ADCY5: variants seen among roughly 807,000 people sequenced by gnomAD.
The protein encoded by ADCY5 is adenylate cyclase 5.
A neutral mutation model predicts 119.7 loss-of-function variants in ADCY5; 30 were observed. The ratio of observed to expected loss-of-function variants is 0.25; its 90% CI spans 0.19 to 0.34. The LOEUF (loss-of-function observed/expected upper bound fraction) is 0.34. ADCY5 is among the 10% of genes least tolerant of loss of function. ADCY5 has a pLI of 1.00. For synonymous variants in ADCY5, 753 were observed against 762.2 expected (o/e 0.99, Z 0.20); for missense variants, 1,324 against 1,775.2 (o/e 0.75, Z 4.57).
chr3:123,408,465 G>C (rs1451021079), intron 1 of ADCY5, among the ~76,000 whole-genome samples: 1 of 149,654 alleles, frequency 6.7e-6, no homozygotes, highest in African/African-American at 2.5e-5. Context: ...AGACCAGCCA[G>C]CCCAATATGG....
chr3:123,331,827 G>A (rs1442762894), intron 4 of ADCY5, among the ~76,000 whole-genome samples: 1 of 152,214 alleles, frequency 6.6e-6, no homozygotes, highest in East Asian at 1.9e-4. Context: ...CCACAGGTAA[G>A]TATATGCGCT....
intron 5 of ADCY5, 31 bp from the exon 6 acceptor site, chr3:123,328,833 A>G: frequency 4.4e-6 from 7 of 1,607,788 alleles, no homozygotes; most frequent in Non-Finnish European, 5.1e-6. Flanking sequence ...AAGCTGGGAG[A>G]AGGCTGGAGG....
chr3:123,333,930 C>T (rs1350335826), intron 3 of ADCY5, among the ~76,000 whole-genome samples: 4 of 152,116 alleles, frequency 2.6e-5, no homozygotes, highest in Non-Finnish European at 5.9e-5. Context: ...AAGACACAGC[C>T]CGTCAGCGTC....
intron 3 of ADCY5, among the ~76,000 whole-genome samples, chr3:123,345,593 C>T (rs1008163747): frequency 1.1e-4 from 17 of 152,268 alleles, no homozygotes; most frequent in Non-Finnish European, 2.1e-4. Flanking sequence ...GCTACCCCTT[C>T]CCACTTTAAA....
chr3:123,325,464 T>C lies in ADCY5; in HGVS notation c.1948-2A>G. 6.2e-7 allele frequency: 1 copy of C among 1,613,468 alleles called. No homozygotes were observed. The highest frequency in any genetic ancestry group is 8.5e-7 in the Non-Finnish European group (1 of 1,179,990). ...GGCGATCATGGCCTTCTCTTCTTTCTGGAAGACGAACACAGAGATGGGGGG... is the reference window on the plus strand; with the variant it reads ...GGCGATCATGGCCTTCTCTTCTTTCCGGAAGACGAACACAGAGATGGGGGG... On this transcript the variant is annotated splice_acceptor_variant, in intron 7 of 20. Coordinates refer to ENST00000462833, the MANE Select transcript of ADCY5 (RefSeq NM_183357.3). LOFTEE classifies it high-confidence loss of function.
intron 1 of ADCY5, among the ~76,000 whole-genome samples, chr3:123,385,318 C>T (rs908724541): frequency 2.0e-5 from 3 of 152,134 alleles, no homozygotes; most frequent in South Asian, 2.1e-4. Flanking sequence ...CACGCACGCA[C>T]GACCAGTGCT....
chr3:123,445,178 T>C (rs1024282288), intron 1 of ADCY5, among the ~76,000 whole-genome samples: 2 of 152,126 alleles, frequency 1.3e-5, no homozygotes, highest in African/African-American at 4.8e-5. Flanking sequence ...TCCTACAGCC[T>C]TGCAAAAGTC....
At chr3:123,391,769 G>T (rs966674401) in intron 1 of ADCY5, among the ~76,000 whole-genome samples, 1 of 152,212 alleles carries the variant, frequency 6.6e-6, no homozygotes, top group African/African-American at 2.4e-5. Context: ...ACTCCAGGGG[G>T]TGCCATTCAC....
Position 123,412,430 on chromosome 3 carries a change from G to C in ADCY5, c.1134+34982C>G, listed in dbSNP as rs890913071. Among the ~76,000 whole-genome samples the C allele has an allele frequency of 2.6e-5, 4 of 152,210 alleles. No homozygotes were observed. The East Asian group carries it at 5.8e-4, about 22-fold the overall frequency. ...AACGCAACCACTGTGTCCTCCAAAA[G>C]CCGGGAAACCATGTACACTGGGGTT... On this transcript the variant is annotated intron_variant, in intron 1 of 20. Coordinates refer to ENST00000462833, the MANE Select transcript of ADCY5 (RefSeq NM_183357.3).
Position 123,284,524 on chromosome 3 carries a change from G to A in ADCY5, c.*84C>T. 2.5e-6 allele frequency: 4 copies of A among 1,575,058 alleles called. No homozygotes were observed. The highest frequency in any genetic ancestry group is 2.6e-6 in the Non-Finnish European group (3 of 1,156,756). Reference sequence around the variant, plus strand: ...GCGCAGCCCTGCGGGCTGGAGCATGGCTTCCCCGCCACCCCCGGCACACAG... The same window carrying A: ...GCGCAGCCCTGCGGGCTGGAGCATGACTTCCCCGCCACCCCCGGCACACAG... On this transcript the variant is annotated 3_prime_UTR_variant, in exon 21 of 21. Coordinates refer to ENST00000462833, the MANE Select transcript of ADCY5 (RefSeq NM_183357.3).
chr3:123,448,957 C>G lies in ADCY5; in HGVS notation c.-412G>C, dbSNP rs1298419033. ...CCTCCTCGGGCCGGCAGTGCCCGGGCGCGGCGCTCGCTGATTCCGCCTAAG... is the reference window on the plus strand; with the variant it reads ...CCTCCTCGGGCCGGCAGTGCCCGGGGGCGGCGCTCGCTGATTCCGCCTAAG... On this transcript the variant is annotated 5_prime_UTR_variant, in exon 1 of 21. Transcript: ENST00000462833. 1 of 166,958 alleles carries G rather than the reference C, an allele frequency of 6.0e-6. No individual in the cohort carries two copies. Among genetic ancestry groups the G allele is most frequent in the African/African-American group, 2.4e-5 (1 of 42,054 alleles). The allele number at this position is 166,958 out of a possible 1,614,324, so 10.3% of individuals were successfully genotyped here. A position where few individuals can be genotyped will look rare whatever the true frequency, so the allele number is the denominator to read the frequency against.
At chr3:123,312,703 C>T (rs1425758026) in intron 12 of ADCY5, among the ~76,000 whole-genome samples, 1 of 152,216 alleles carries the variant, frequency 6.6e-6, no homozygotes, top group Non-Finnish European at 1.5e-5. Flanking sequence ...TTTCAAGGTC[C>T]TTCTATGTCG....
chr3:123,434,429 G>A (rs559936321), intron 1 of ADCY5, among the ~76,000 whole-genome samples: 5 of 152,292 alleles, frequency 3.3e-5, no homozygotes, highest in East Asian at 1.9e-4. Flanking sequence ...GACTAAAAAG[G>A]GGTTAGGGCA....
intron 1 of ADCY5, 89 bp downstream of exon 1, chr3:123,447,323 A>G (rs1945836663): frequency 7.4e-7 from 1 of 1,344,428 alleles, no homozygotes; most frequent in African/African-American, 1.5e-5. Flanking sequence ...TCACCATTCG[A>G]AAGGGTGAGG....
chr3:123,385,284 G>GAC (rs146450872), intron 1 of ADCY5, among the ~76,000 whole-genome samples: 2,330 of 142,106 alleles, frequency 0.016, 39 homozygotes, highest in African/African-American at 0.056. Context: ...GTCCACTGCA[G>GAC]ACACACACGC....
At chr3:123,295,418 C>T (rs553751692) in intron 17 of ADCY5, among the ~76,000 whole-genome samples, 26 of 152,234 alleles carry the variant, frequency 1.7e-4, no homozygotes, top group Non-Finnish European at 3.2e-4. Flanking sequence ...GCACTCCCTC[C>T]TGGCCCTTCC....
chr3:123,370,404 C>T (rs1943595598), intron 1 of ADCY5, among the ~76,000 whole-genome samples: 1 of 152,250 alleles, frequency 6.6e-6, no homozygotes, highest in Non-Finnish European at 1.5e-5. Context: ...CCACAGACAG[C>T]ATTTCTCAGC....
At position 123,329,008 on chromosome 3, in the gene ADCY5, G is replaced by A. The variant is rs147033159; in HGVS notation, c.1647-206C>T. Among the ~76,000 whole-genome samples the A allele has an allele frequency of 2.2e-3, 330 of 152,320 alleles. 3 individuals carry two copies. The highest frequency in any genetic ancestry group is 7.6e-3 in the African/African-American group (314 of 41,566). ...GTCGGCTGTGAAAGGGGCTGTTCCC[G>A]GCCTGGCCACAAGGTGGCGCGGTGC... On this transcript the variant is annotated intron_variant, in intron 5 of 20. Transcript: ENST00000462833.
chr3:123,360,020 G>A (rs1943191154), intron 1 of ADCY5, among the ~76,000 whole-genome samples: 1 of 151,528 alleles, frequency 6.6e-6, no homozygotes, highest in Non-Finnish European at 1.5e-5. Context: ...ATGTCGGCAT[G>A]GCTCCTTGTA....
Sources: allele counts gnomAD v4.1 joint callset (sites outside exome capture counted in the v4.1 genomes callset), GRCh38; gene constraint gnomAD v4.1.1; transcripts MANE v1.5; gene names NCBI Gene and HGNC (gene_info 2026-07-23, HGNC 2026-07-21).